Variants in ACOT11 observed in about 807,000 individuals in gnomAD.
The protein encoded by ACOT11 is acyl-coenzyme A thioesterase 11.
Under a neutral mutation model 77.5 loss-of-function variants are expected in ACOT11, and 69 were observed. That is an observed-to-expected ratio of 0.89 (90% confidence interval 0.73 to 1.09). The LOEUF (loss-of-function observed/expected upper bound fraction) is 1.09, where lower values mean the gene tolerates loss of function less well. Ranked by LOEUF, ACOT11 falls within the 50% of genes least tolerant of loss-of-function variation. ACOT11 has a pLI of 0.00. For missense variants in ACOT11, 766 were observed against 813.7 expected (o/e 0.94, Z 0.71); for synonymous variants, 279 against 313.0 (o/e 0.89, Z 1.15).
intron 15 of ACOT11, among the ~76,000 whole-genome samples, chr1:54,628,900 A>G (rs1257751834): frequency 7.6e-6 from 1 of 131,320 alleles, no homozygotes; most frequent in African/African-American, 2.6e-5. Context: ...TCTCTACTAA[A>G]AATACAAAAT....
At chr1:54,560,874 A>C (rs1653450031) in intron 1 of ACOT11, among the ~76,000 whole-genome samples, 1 of 152,046 alleles carries the variant, frequency 6.6e-6, no homozygotes, top group East Asian at 1.9e-4. Flanking sequence ...GGCGCCTGCC[A>C]CCATGCCCGG....
chr1:54,598,864 G>T (rs1026115479), intron 7 of ACOT11: 9 of 146,218 alleles, frequency 6.2e-5, no homozygotes, highest in Non-Finnish European at 1.2e-4. Context: ...AAAAAGAGAG[G>T]CCAGGTGTGG....
intron 1 of ACOT11, chr1:54,572,845 A>G (rs1653971967): frequency 7.6e-6 from 6 of 793,784 alleles, no homozygotes; most frequent in Non-Finnish European, 9.2e-6. Flanking sequence ...CAGCCACCAG[A>G]GGCAGTGTGG....
chr1:54,569,615 C>G (rs1472720578), intron 1 of ACOT11, among the ~76,000 whole-genome samples: 1 of 152,236 alleles, frequency 6.6e-6, no homozygotes, highest in Non-Finnish European at 1.5e-5. Context: ...CCCCCAACCC[C>G]TCACCACAGG....
Position 54,609,705 on chromosome 1 carries a change from C to T in ACOT11, c.*593C>T, listed in dbSNP as rs764148627. ...TGGGAGATTTTGGCCCCAACCCACA[C>T]AGGCCAATGCAAGAGGCCAAGGCTG... On this transcript the variant is annotated 3_prime_UTR_variant, in exon 16 of 16. Coordinates refer to ENST00000343744, the MANE Select transcript of ACOT11 (RefSeq NM_147161.4). The T allele has an allele frequency of 1.2e-6, 2 of 1,614,126 alleles. No individual in the cohort carries two copies. Among genetic ancestry groups the T allele is most frequent in the Admixed American group, 1.7e-5 (1 of 60,038 alleles).
intron 1 of ACOT11, chr1:54,573,353 CTT>C: frequency 2.1e-6 from 1 of 484,490 alleles, no homozygotes; most frequent in Non-Finnish European, 2.7e-6. Context: ...TTTTCTGAGA[CTT>C]TGTTTCCCCA....
At chr1:54,573,258 T>C in intron 1 of ACOT11, 1 of 985,282 alleles carries the variant, frequency 1.0e-6, no homozygotes, top group Non-Finnish European at 1.2e-6. Context: ...AGTCTTAGCT[T>C]TTGCGGTAAG....
rs759114756 is a variant in ACOT11 at position 54,609,607 on chromosome 1, G to A, written c.*495G>A. ...CAGGCCAGCCTGGTGCCACAGTCAC[G>A]TGGGGGAAGACCTCAGCCACAGCTG... On this transcript the variant is annotated 3_prime_UTR_variant, in exon 16 of 16. Coordinates refer to ENST00000343744, the MANE Select transcript of ACOT11 (RefSeq NM_147161.4). The A allele has an allele frequency of 3.5e-5, 56 of 1,613,302 alleles. No homozygotes were observed. Among genetic ancestry groups the A allele is most frequent in the Non-Finnish European group, 4.1e-5 (48 of 1,180,038 alleles).
In ACOT11 at chr1:54,609,076, C is replaced by G. The variant is rs1057075762; in HGVS notation, c.1749C>G (p.Asn583Lys). The change falls in exon 16 of 16, where the codon AAC becomes AAG. Residue 583 changes from asparagine to lysine, a missense_variant. Transcript: ENST00000343744. Reference sequence around the variant, plus strand: ...CTTGTGAGCAGTTTCTCTTGGACAACCGGAATGATCTGGCCCCCAGCCTCC... The same window carrying G: ...CTTGTGAGCAGTTTCTCTTGGACAAGCGGAATGATCTGGCCCCCAGCCTCC... Reference protein sequence around the residue: ...FKACEQFLLDNRNDLAPSLQT... With the variant: ...FKACEQFLLDKRNDLAPSLQT... 2.5e-6 allele frequency: 4 copies of G among 1,614,026 alleles called. No individual in the cohort carries two copies. In the African/African-American group the frequency reaches 5.3e-5, roughly 22 times the overall value.
chr1:54,593,879 G>C, intron 4 of ACOT11, 62 bp from the exon 5 acceptor site: 1 of 1,402,262 alleles, frequency 7.1e-7, no homozygotes, highest in Non-Finnish European at 1.0e-6. Context: ...GGAGCTGCGG[G>C]GCTTCTAACT....
At chr1:54,585,974 T>A in intron 3 of ACOT11, 70 bp downstream of exon 3, 1 of 1,525,730 alleles carries the variant, frequency 6.6e-7, no homozygotes, top group Non-Finnish European at 9.0e-7. Flanking sequence ...TCCTCCTGAC[T>A]CCCTGCCTGG....
intron 6 of ACOT11, among the ~76,000 whole-genome samples, chr1:54,596,718 C>T (rs887603218): frequency 2.6e-5 from 4 of 152,126 alleles, no homozygotes; most frequent in Non-Finnish European, 4.4e-5. Context: ...GGATTACAGG[C>T]ACTCGCCACC....
chr1:54,614,924 G>A (rs1644155888), downstream of ACOT11: 2 of 1,519,106 alleles, frequency 1.3e-6, no homozygotes, highest in Non-Finnish European at 1.8e-6. Context: ...GACTCCCTGG[G>A]CAGAAAGCAG....
At chr1:54,589,835 TG>T (rs1269897966) in intron 3 of ACOT11, among the ~76,000 whole-genome samples, 2 of 152,118 alleles carry the variant, frequency 1.3e-5, no homozygotes, top group Non-Finnish European at 2.9e-5. Context: ...TGTAATTGGT[TG>T]CTTCTCTATA....
intron 1 of ACOT11, among the ~76,000 whole-genome samples, chr1:54,561,576 G>A (rs1653487903): frequency 3.1e-5 from 4 of 130,504 alleles, no homozygotes; most frequent in African/African-American, 9.1e-5. Flanking sequence ...ATTCCACAAA[G>A]CCGCCATTGT....
At chr1:54,626,329 A>T (rs528599338) in intron 15 of ACOT11, among the ~76,000 whole-genome samples, 1 of 152,286 alleles carries the variant, frequency 6.6e-6, no homozygotes, top group South Asian at 2.1e-4. Flanking sequence ...AGTCTAGAGG[A>T]ACAACAAACC....
chr1:54,597,624 G>A, intron 7 of ACOT11: 1 of 646,368 alleles, frequency 1.5e-6, no homozygotes, highest in South Asian at 2.0e-5. Context: ...GAAACACCAG[G>A]TCTCTTGGCC....
chr1:54,586,687 G>A (rs981461349), intron 3 of ACOT11, among the ~76,000 whole-genome samples: 14 of 152,070 alleles, frequency 9.2e-5, no homozygotes, highest in African/African-American at 3.4e-4. Flanking sequence ...ACCTGCCCTC[G>A]CCTCCCAAAG....
At chr1:54,601,022 C>A (rs1466843158) in intron 8 of ACOT11, among the ~76,000 whole-genome samples, 2 of 152,148 alleles carry the variant, frequency 1.3e-5, no homozygotes, top group Non-Finnish European at 2.9e-5. Context: ...TCCCAGGTGT[C>A]CTGTCACTGG....
Sources: allele counts gnomAD v4.1 joint callset (sites outside exome capture counted in the v4.1 genomes callset), GRCh38; gene constraint gnomAD v4.1.1; transcripts MANE v1.5; gene names NCBI Gene and HGNC (gene_info 2026-07-23, HGNC 2026-07-21).